Variants in PCED1B observed in about 807,000 individuals in gnomAD.
PCED1B encodes PC-esterase domain-containing protein 1B.
For synonymous variants in PCED1B, 251 were observed against 246.1 expected, an observed-to-expected ratio of 1.02 and a Z score of -0.19; for missense variants, 573 against 573.9, an observed-to-expected ratio of 1.00 and a Z score of 0.02.
In PCED1B at chr12:47,091,397, G is replaced by A. The variant is rs1035230222; in HGVS notation, c.-609+11672G>A. Among the ~76,000 whole-genome samples, 9 of 151,926 alleles carry A rather than the reference G, an allele frequency of 5.9e-5. No homozygotes were observed. In the East Asian group the frequency reaches 1.5e-3, roughly 26 times the overall value. Reference sequence around the variant, plus strand: ...TCAACTTTTTCTTATTGACTTGCAGGTGTTCTTTATACATTCTAGATTTGT... The same window carrying A: ...TCAACTTTTTCTTATTGACTTGCAGATGTTCTTTATACATTCTAGATTTGT... On this transcript the variant is annotated intron_variant, in intron 1 of 3. Coordinates refer to ENST00000546455, the MANE Select transcript of PCED1B (RefSeq NM_138371.3).
intron 2 of PCED1B, among the ~76,000 whole-genome samples, chr12:47,106,948 G>A (rs11610123): frequency 0.049 from 7,463 of 152,062 alleles, 313 homozygotes; most frequent in South Asian, 0.1. Flanking sequence ...CTGCCTCCTA[G>A]GAACCCACTC....
intron 3 of PCED1B, among the ~76,000 whole-genome samples, chr12:47,222,467 G>A (rs1401921405): frequency 1.3e-5 from 2 of 149,896 alleles, no homozygotes; most frequent in South Asian, 2.1e-4. Flanking sequence ...GGAAGTGATA[G>A]GGGCCTGCAT....
intron 2 of PCED1B, among the ~76,000 whole-genome samples, chr12:47,180,990 C>CT (rs1267633076): frequency 1.8e-5 from 1 of 56,810 alleles, no homozygotes; most frequent in African/African-American, 7.5e-5. Flanking sequence ...ACTGTATTCT[C>CT]TTTTTCTTTC....
chr12:47,114,147 A>G (rs1452133619), intron 2 of PCED1B, among the ~76,000 whole-genome samples: 1 of 152,178 alleles, frequency 6.6e-6, no homozygotes, highest in East Asian at 1.9e-4. Flanking sequence ...ACACTTGTAC[A>G]GAGAGAGCAG....
At chr12:47,228,029 T>C (rs1943686151) in intron 3 of PCED1B, among the ~76,000 whole-genome samples, 1 of 137,330 alleles carries the variant, frequency 7.3e-6, no homozygotes. Flanking sequence ...TTCTTTGTTT[T>C]TTCTTTTCCT....
intron 1 of PCED1B, among the ~76,000 whole-genome samples, chr12:47,090,417 A>C (rs1175568905): frequency 1.3e-5 from 2 of 152,220 alleles, no homozygotes; most frequent in Non-Finnish European, 2.9e-5. Flanking sequence ...CAATTACATA[A>C]GCAGAAGTTA....
chr12:47,090,347 A>C (rs1282843256), intron 1 of PCED1B, among the ~76,000 whole-genome samples: 6 of 152,192 alleles, frequency 3.9e-5, no homozygotes. Flanking sequence ...CATGAGATGC[A>C]GGCATTTTGC....
chr12:47,085,965 T>C (rs1419034615), intron 1 of PCED1B, among the ~76,000 whole-genome samples: 1 of 152,216 alleles, frequency 6.6e-6, no homozygotes, highest in Admixed American at 6.5e-5. Flanking sequence ...TGATAATTGC[T>C]GTCCTGCTTT....
chr12:47,098,627 C>T (rs1239726070), intron 1 of PCED1B, among the ~76,000 whole-genome samples: 2 of 152,112 alleles, frequency 1.3e-5, no homozygotes, highest in East Asian at 1.9e-4. Context: ...GGACTACAGG[C>T]GCCCGCCACC....
intron 2 of PCED1B, among the ~76,000 whole-genome samples, chr12:47,107,310 A>G (rs1039507617): frequency 6.6e-6 from 1 of 151,046 alleles, no homozygotes; most frequent in African/African-American, 2.5e-5. Context: ...TCCTGTATCC[A>G]TGAACCATTG....
At chr12:47,119,728 C>T (rs748002269) in intron 2 of PCED1B, among the ~76,000 whole-genome samples, 15 of 151,996 alleles carry the variant, frequency 9.9e-5, no homozygotes, top group African/African-American at 3.6e-4. Flanking sequence ...CCTATAATCC[C>T]AGCACTTTGG....
intron 2 of PCED1B, among the ~76,000 whole-genome samples, chr12:47,215,238 A>G (rs1272552063): frequency 6.6e-6 from 1 of 151,170 alleles, no homozygotes; most frequent in African/African-American, 2.4e-5. Context: ...AATCAATCAG[A>G]AGACCATCTC....
At chr12:47,210,938 G>A (rs999838245) in intron 2 of PCED1B, among the ~76,000 whole-genome samples, 1 of 152,096 alleles carries the variant, frequency 6.6e-6, no homozygotes, top group Non-Finnish European at 1.5e-5. Flanking sequence ...CGGTAAAATG[G>A]AATAGTGATA....
chr12:47,194,718 C>T (rs954296378), intron 2 of PCED1B, among the ~76,000 whole-genome samples: 4 of 152,126 alleles, frequency 2.6e-5, no homozygotes, highest in Admixed American at 1.3e-4. Flanking sequence ...AAGGTCATAC[C>T]GGTCGGAGTT....
intron 2 of PCED1B, among the ~76,000 whole-genome samples, chr12:47,124,413 T>C (rs2137321515): frequency 6.6e-6 from 1 of 152,148 alleles, no homozygotes; most frequent in East Asian, 1.9e-4. Context: ...TGTTTATTCA[T>C]TCACCTGTTG....
At chr12:47,091,880 G>A (rs1938280505) in intron 1 of PCED1B, among the ~76,000 whole-genome samples, 1 of 152,028 alleles carries the variant, frequency 6.6e-6, no homozygotes, top group African/African-American at 2.4e-5. Flanking sequence ...TGGATTCCCT[G>A]TTGTGTTTCA....
rs767706456 is a variant in PCED1B, at chr12:47,126,683, T to C, written c.-526+22488T>C. ...TCAATTTCAAATTATTTAATTGATA[T>C]AGAATTATTTAGGTTGTTTATTTCT... On this transcript the variant is annotated intron_variant, in intron 2 of 3. Coordinates refer to ENST00000546455, the MANE Select transcript of PCED1B (RefSeq NM_138371.3). Among the ~76,000 whole-genome samples, 4 of 152,182 alleles carry C rather than the reference T, an allele frequency of 2.6e-5. No individual in the cohort carries two copies. In the South Asian group the frequency reaches 6.2e-4, roughly 24 times the overall value.
intron 2 of PCED1B, among the ~76,000 whole-genome samples, chr12:47,163,279 T>G (rs1284772637): frequency 6.6e-6 from 1 of 152,228 alleles, no homozygotes; most frequent in African/African-American, 2.4e-5. Flanking sequence ...CCTGCTACTT[T>G]GCTGAATTTA....
chr12:47,138,310 G>C (rs1940465876), intron 2 of PCED1B: 1 of 152,164 alleles, frequency 6.6e-6, no homozygotes, highest in African/African-American at 2.4e-5. Flanking sequence ...TATTTTCTTA[G>C]GAGCCATTGC....
Sources: allele counts gnomAD v4.1 joint callset (sites outside exome capture counted in the v4.1 genomes callset), GRCh38; gene constraint gnomAD v4.1.1; transcripts MANE v1.5; gene names NCBI Gene and HGNC (gene_info 2026-07-23, HGNC 2026-07-21).